Variants in COMMD1 observed in about 807,000 individuals in gnomAD.
COMMD1 encodes copper metabolism domain containing 1, also known as COMM domain-containing protein 1.
Under a neutral mutation model 17.2 loss-of-function variants are expected in COMMD1, and 10 were observed. The observed-to-expected ratio is 0.58, with a 90% CI of 0.36 to 0.99. The LOEUF is 0.99. COMMD1 is among the 50% of genes least tolerant of loss of function. The pLI, the probability that COMMD1 is intolerant of heterozygous loss-of-function variation, is 0.01. For synonymous variants in COMMD1, 97 were observed against 91.6 expected, an observed-to-expected ratio of 1.06 and a Z score of -0.34; for missense variants, 270 against 231.8, an observed-to-expected ratio of 1.17 and a Z score of -1.07.
At chr2:62,013,016 T>C (rs1214359509) in intron 2 of COMMD1, among the ~76,000 whole-genome samples, 1 of 151,940 alleles carries the variant, frequency 6.6e-6, no homozygotes. Flanking sequence ...TGTTAAGAAT[T>C]TTAAGTGTAA....
At chr2:61,952,524 C>A (rs1671084549) in intron 1 of COMMD1, among the ~76,000 whole-genome samples, 1 of 152,032 alleles carries the variant, frequency 6.6e-6, no homozygotes, top group East Asian at 1.9e-4. Context: ...GTGGCCCCAC[C>A]CAGAGGCAGA....
At chr2:61,927,691 C>T (rs1670364484) in intron 1 of COMMD1, among the ~76,000 whole-genome samples, 1 of 151,824 alleles carries the variant, frequency 6.6e-6, no homozygotes, top group African/African-American at 2.4e-5. Flanking sequence ...AGCCACCGCG[C>T]CTGGCTGGGT....
Position 61,968,878 on chromosome 2 carries a change from T to C in COMMD1, c.181-31823T>C, listed in dbSNP as rs1671572460. 1.9e-5 allele frequency: 4 copies of C among 211,008 alleles called. No individual in the cohort carries two copies. In the South Asian group the frequency reaches 2.3e-4, roughly 12 times the overall value. 13.1% of individuals were successfully genotyped at this position (211,008 alleles called of 1,614,324 possible). On this transcript the variant is annotated intron_variant, in intron 1 of 2. Transcript: ENST00000311832. The stretch of plus-strand genomic sequence containing the variant: ...TGGCCTCAGTTTTTACTTAAAATAA[T>C]GGCATAAACAATTTGAGATTTGATT...
intron 2 of COMMD1, among the ~76,000 whole-genome samples, chr2:62,122,190 A>G (rs2104077193): frequency 6.6e-6 from 1 of 152,304 alleles, no homozygotes. Context: ...GCTACATTTT[A>G]TTTTATTTTG....
At chr2:61,928,810 A>G (rs1670391986) in intron 1 of COMMD1, 1 of 152,218 alleles carries the variant, frequency 6.6e-6, no homozygotes, top group Non-Finnish European at 1.5e-5. Flanking sequence ...AAACCTTTCA[A>G]GGATTTTCTG....
At chr2:61,902,864 A>G (rs1460493665), upstream of COMMD1, among the ~76,000 whole-genome samples, 1 of 152,030 alleles carries the variant, frequency 6.6e-6, no homozygotes, top group Non-Finnish European at 1.5e-5. Context: ...ATTAAATGAA[A>G]TTAAAAGAAT....
At chr2:62,041,879 G>C (rs1558574150) in intron 2 of COMMD1, among the ~76,000 whole-genome samples, 1 of 152,216 alleles carries the variant, frequency 6.6e-6, no homozygotes. Context: ...AGCTCATAAA[G>C]GCGATGCAGA....
chr2:62,111,195 A>G (rs1672446228), intron 2 of COMMD1, among the ~76,000 whole-genome samples: 1 of 152,196 alleles, frequency 6.6e-6, no homozygotes, highest in African/African-American at 2.4e-5. Flanking sequence ...TTGGGGTGGC[A>G]TGTCCTGAGC....
chr2:62,026,120 T>G (rs564987310), intron 2 of COMMD1, among the ~76,000 whole-genome samples: 2 of 152,282 alleles, frequency 1.3e-5, no homozygotes, highest in Admixed American at 1.3e-4. Flanking sequence ...AGTCAGACTT[T>G]ATATAAAACT....
At chr2:62,060,545 T>A (rs534164043) in intron 2 of COMMD1, among the ~76,000 whole-genome samples, 20 of 152,344 alleles carry the variant, frequency 1.3e-4, no homozygotes, top group African/African-American at 4.8e-4. Context: ...CTTATATATT[T>A]AACCATATAT....
At chr2:62,066,356 A>C (rs182699390) in intron 2 of COMMD1, among the ~76,000 whole-genome samples, 2 of 152,194 alleles carry the variant, frequency 1.3e-5, no homozygotes, top group South Asian at 2.1e-4. Flanking sequence ...CTAAACTCCC[A>C]GGGAAAAATG....
chr2:61,914,230 G>C (rs998084904), intron 1 of COMMD1, among the ~76,000 whole-genome samples: 1 of 151,936 alleles, frequency 6.6e-6, no homozygotes, highest in Non-Finnish European at 1.5e-5. Context: ...TTTTGAAGTT[G>C]GTTACTTGAT....
chr2:61,974,536 G>C (rs1438009896), intron 1 of COMMD1, among the ~76,000 whole-genome samples: 2 of 151,850 alleles, frequency 1.3e-5, no homozygotes, highest in African/African-American at 4.8e-5. Context: ...AGCTGGGCAT[G>C]GTGGCAGGCG....
chr2:62,084,792 T>C (rs1277494017), intron 2 of COMMD1: 1 of 152,224 alleles, frequency 6.6e-6, no homozygotes. Context: ...CTGGCCTACA[T>C]CTAGATTAAA....
At chr2:61,964,489 T>C (rs1318795009) in intron 1 of COMMD1, among the ~76,000 whole-genome samples, 1 of 152,154 alleles carries the variant, frequency 6.6e-6, no homozygotes, top group East Asian at 1.9e-4. Context: ...GCTGGGATTA[T>C]AGGCGTGAGG....
At chr2:62,024,510 G>A (rs557528423) in intron 2 of COMMD1, among the ~76,000 whole-genome samples, 106 of 152,214 alleles carry the variant, frequency 7.0e-4, no homozygotes, top group Middle Eastern at 3.4e-3. Flanking sequence ...AGTTAAACTG[G>A]AATTTTGTAT....
At chr2:62,097,465 T>C (rs1672043851) in intron 2 of COMMD1, among the ~76,000 whole-genome samples, 1 of 152,178 alleles carries the variant, frequency 6.6e-6, no homozygotes, top group South Asian at 2.1e-4. Context: ...GCTCTAATTC[T>C]TCCTGTCCAG....
chr2:62,038,767 T>C (rs953684145), intron 2 of COMMD1, among the ~76,000 whole-genome samples: 1 of 152,140 alleles, frequency 6.6e-6, no homozygotes, highest in Non-Finnish European at 1.5e-5. Context: ...CAGGCTGATC[T>C]TGAACTCCTG....
chr2:61,962,224 C>T (rs1671360310), intron 1 of COMMD1, among the ~76,000 whole-genome samples: 1 of 152,088 alleles, frequency 6.6e-6, no homozygotes, highest in South Asian at 2.1e-4. Context: ...GAGGAATTTT[C>T]CACTACTTCT....
Sources: gnomAD v4.1 joint callset for allele counts (sites outside exome capture counted in the v4.1 genomes callset) on GRCh38, gnomAD v4.1.1 for gene constraint, MANE v1.5 for transcripts, NCBI Gene and HGNC (gene_info 2026-07-23, HGNC 2026-07-21) for gene names.